LRRC37A2: variants seen among roughly 807,000 people sequenced by gnomAD.
LRRC37A2 encodes the protein leucine-rich repeat-containing protein 37A2.
In LRRC37A2, 9 loss-of-function variants were observed where a neutral mutation model predicts 68.8. The observed-to-expected ratio is 0.13, with a 90% CI of 0.08 to 0.23. The LOEUF is 0.23. Among genes scored for constraint, LRRC37A2 ranks in the 10% least tolerant of loss-of-function variants. The pLI is 1.00. For missense variants in LRRC37A2, 168 were observed against 950.4 expected (o/e 0.18, Z 10.82); for synonymous variants, 63 against 367.6 (o/e 0.17, Z 9.48).
At chr17:46,799,894 G>T in the LRRC37A2 span, among the ~76,000 whole-genome samples, 1 of 152,122 alleles carries the variant, frequency 6.6e-6, no homozygotes, top group Non-Finnish European at 1.5e-5. Context: ...GGACATCTGG[G>T]ATTTGCACCA....
At chr17:46,999,098 A>G in the LRRC37A2 span, among the ~76,000 whole-genome samples, 3 of 151,534 alleles carry the variant, frequency 2.0e-5, no homozygotes, top group Non-Finnish European at 4.4e-5. Context: ...ACCAACACCA[A>G]CGAGTTCAAC....
the LRRC37A2 span, chr17:46,966,541 G>T: frequency 2.4e-5 from 17 of 693,962 alleles, no homozygotes; most frequent in Non-Finnish European, 4.2e-5. Context: ...CAGAGACAAG[G>T]TCTCACCATG....
chr17:46,761,135 G>A, the LRRC37A2 span, among the ~76,000 whole-genome samples: 4 of 152,262 alleles, frequency 2.6e-5, no homozygotes, highest in Admixed American at 1.3e-4. Context: ...GTACGTGTCC[G>A]ATTCGTTGTA....
At chr17:46,817,864 A>G in the LRRC37A2 span, among the ~76,000 whole-genome samples, 13 of 152,128 alleles carry the variant, frequency 8.5e-5, no homozygotes, top group Admixed American at 2.0e-4. Context: ...AGGGTGGACA[A>G]GCAAGAAATG....
the LRRC37A2 span, among the ~76,000 whole-genome samples, chr17:46,995,382 A>G: frequency 1.3e-5 from 2 of 152,240 alleles, no homozygotes; most frequent in African/African-American, 2.4e-5. Flanking sequence ...TTCTTCAGCT[A>G]CAGGTTCTGA....
the LRRC37A2 span, chr17:46,728,840 A>T: frequency 6.4e-7 from 1 of 1,569,550 alleles, no homozygotes; most frequent in Non-Finnish European, 8.7e-7. Flanking sequence ...AAACATAATA[A>T]TGTTTCTTTT....
At chr17:46,766,842 C>T in the LRRC37A2 span, among the ~76,000 whole-genome samples, 2 of 152,288 alleles carry the variant, frequency 1.3e-5, no homozygotes, top group Admixed American at 1.3e-4. Flanking sequence ...CCAGCAGCAC[C>T]CCAGACAACA....
chr17:46,816,110 C>T, the LRRC37A2 span, among the ~76,000 whole-genome samples: 1 of 148,234 alleles, frequency 6.7e-6, no homozygotes, highest in African/African-American at 2.5e-5. Context: ...TGCGCGCGCA[C>T]GTACACACAC....
the LRRC37A2 span, chr17:46,932,520 C>A: frequency 1.7e-6 from 1 of 572,940 alleles, no homozygotes; most frequent in East Asian, 2.9e-5. Context: ...CAGATAGAGA[C>A]AGATGATTAG....
chr17:46,975,889 G>A, the LRRC37A2 span, among the ~76,000 whole-genome samples: 1 of 87,240 alleles, frequency 1.1e-5, no homozygotes, highest in Admixed American at 1.2e-4. Flanking sequence ...AAAGAAGAAA[G>A]ATAAAGGAAG....
chr17:46,774,158 G>T, the LRRC37A2 span, among the ~76,000 whole-genome samples: 8 of 152,372 alleles, frequency 5.3e-5, no homozygotes, highest in African/African-American at 1.9e-4. Flanking sequence ...CCGCTTGTGG[G>T]GGCCCTTGGG....
the LRRC37A2 span, among the ~76,000 whole-genome samples, chr17:46,815,279 C>G: frequency 6.6e-6 from 1 of 152,170 alleles, no homozygotes; most frequent in Admixed American, 6.5e-5. Flanking sequence ...TGTCCCGGCT[C>G]TGTCACTACC....
the LRRC37A2 span, among the ~76,000 whole-genome samples, chr17:46,684,741 AT>A: frequency 7.1e-6 from 1 of 141,068 alleles, no homozygotes; most frequent in Non-Finnish European, 1.5e-5. Flanking sequence ...TGGTTTAAAG[AT>A]TTAAATGTAA....
the LRRC37A2 span, among the ~76,000 whole-genome samples, chr17:46,790,184 C>T: frequency 6.6e-6 from 1 of 152,192 alleles, no homozygotes; most frequent in Non-Finnish European, 1.5e-5. Context: ...TCCGCAGGCT[C>T]CTTGCTTTAG....
chr17:46,990,558 G>A, the LRRC37A2 span, among the ~76,000 whole-genome samples: 15 of 152,196 alleles, frequency 9.9e-5, no homozygotes, highest in Admixed American at 9.8e-4. Context: ...CCAGTGTCCA[G>A]GGCATTCACC....
the LRRC37A2 span, among the ~76,000 whole-genome samples, chr17:46,712,812 C>T: frequency 6.6e-6 from 1 of 151,832 alleles, no homozygotes; most frequent in South Asian, 2.1e-4. Flanking sequence ...GCAAGAGTAA[C>T]CAGAGAGGAA....
the LRRC37A2 span, among the ~76,000 whole-genome samples, chr17:46,846,959 C>A: frequency 6.6e-6 from 1 of 152,190 alleles, no homozygotes; most frequent in African/African-American, 2.4e-5. Context: ...TACTGCCCTG[C>A]CCCTCCCAAA....
At chr17:46,831,903 A>G in the LRRC37A2 span, among the ~76,000 whole-genome samples, 6 of 152,172 alleles carry the variant, frequency 3.9e-5, no homozygotes, top group African/African-American at 4.8e-5. Context: ...TGAGGCCAAC[A>G]CCCTTTGTGT....
At chr17:46,922,822 T>C in the LRRC37A2 span, 1 of 280,618 alleles carries the variant, frequency 3.6e-6, no homozygotes, top group East Asian at 8.0e-5. Context: ...TCCAGTCCTC[T>C]CTGCGGCAGA....
Sources: allele counts gnomAD v4.1 joint callset (sites outside exome capture counted in the v4.1 genomes callset), GRCh38; gene constraint gnomAD v4.1.1; transcripts MANE v1.5; gene names NCBI Gene and HGNC (gene_info 2026-07-23, HGNC 2026-07-21).